DPRX: variants seen among roughly 807,000 people sequenced by gnomAD.
DPRX encodes the protein divergent-paired related homeobox, also known as divergent paired-related homeobox.
Under a neutral mutation model 8.4 loss-of-function variants are expected in DPRX, and 11 were observed. The observed-to-expected ratio is 1.31, with a 90% confidence interval of 0.82 to 2.17. DPRX has a LOEUF of 2.17. Among genes scored for constraint, DPRX ranks in the 30% most tolerant of loss-of-function variants. The pLI is 0.00. For missense variants in DPRX, 211 were observed against 236.7 expected (o/e 0.89, Z 0.71); for synonymous variants, 72 against 87.0 (o/e 0.83, Z 0.96).
the DPRX span, among the ~76,000 whole-genome samples, chr19:53,619,675 C>CAA: frequency 3.6e-5 from 3 of 83,968 alleles, no homozygotes; most frequent in African/African-American, 8.9e-5. Context: ...AACTTCATCT[C>CAA]AAAAAAAAAA....
chr19:53,601,768 C>T, the DPRX span, among the ~76,000 whole-genome samples: 5 of 152,252 alleles, frequency 3.3e-5, no homozygotes, highest in South Asian at 2.1e-4. Context: ...AGGTGTGAGC[C>T]ACCTCACCTG....
At chr19:53,622,124 G>T in the DPRX span, among the ~76,000 whole-genome samples, 1 of 152,174 alleles carries the variant, frequency 6.6e-6, no homozygotes, top group South Asian at 2.1e-4. Context: ...CCAACCTGGT[G>T]ATGTCTGAGG....
the DPRX span, among the ~76,000 whole-genome samples, chr19:53,603,035 G>GTATA: frequency 0.058 from 8,719 of 150,288 alleles, 269 homozygotes; most frequent in South Asian, 0.12. Context: ...GTGTGTGTGT[G>GTATA]TGTATATATA....
At chr19:53,608,816 A>G in the DPRX span, among the ~76,000 whole-genome samples, 5,761 of 151,654 alleles carry the variant, frequency 0.038, 256 homozygotes, top group East Asian at 0.14. Flanking sequence ...TTAGCCGGGC[A>G]TGGTGGCGGG....
chr19:53,601,635 C>T, the DPRX span, among the ~76,000 whole-genome samples: 2 of 152,018 alleles, frequency 1.3e-5, no homozygotes, highest in Non-Finnish European at 2.9e-5. Context: ...GCACACACCA[C>T]CATGCCCGGC....
chr19:53,628,487 C>T (rs953742202), upstream of DPRX, among the ~76,000 whole-genome samples: 2 of 152,084 alleles, frequency 1.3e-5, no homozygotes, highest in South Asian at 4.1e-4. Context: ...TGGTGACATA[C>T]GAATAACATA....
intron 2 of DPRX, among the ~76,000 whole-genome samples, chr19:53,635,344 G>GTTGTT (rs974372135): frequency 6.6e-6 from 1 of 152,026 alleles, no homozygotes; most frequent in South Asian, 2.1e-4. Context: ...ACAAAATAGT[G>GTTGTT]TTGTTTTGTT....
chr19:53,635,577 C>T (rs1052521229), intron 2 of DPRX, among the ~76,000 whole-genome samples: 3 of 151,982 alleles, frequency 2.0e-5, no homozygotes, highest in South Asian at 2.1e-4. Context: ...GATGGGGTTT[C>T]GTCATGTTGC....
chr19:53,632,868 G>C (rs565814901), intron 1 of DPRX, among the ~76,000 whole-genome samples: 2 of 152,116 alleles, frequency 1.3e-5, no homozygotes, highest in African/African-American at 4.8e-5. Flanking sequence ...TGAGCACAGG[G>C]GAATCTGATT....
the DPRX span, among the ~76,000 whole-genome samples, chr19:53,613,772 C>A: frequency 6.6e-6 from 1 of 152,110 alleles, no homozygotes; most frequent in South Asian, 2.1e-4. Context: ...GAGTTTCATA[C>A]GGAATTGGGA....
At chr19:53,629,214 T>A (rs1255648060), upstream of DPRX, among the ~76,000 whole-genome samples, 1 of 150,292 alleles carries the variant, frequency 6.7e-6, no homozygotes, top group Non-Finnish European at 1.5e-5. Context: ...CTCAGGAGAC[T>A]GAGGCATGAG....
chr19:53,636,388 A>AATAAAT (rs1555780226), intron 2 of DPRX, among the ~76,000 whole-genome samples: 1 of 148,960 alleles, frequency 6.7e-6, no homozygotes. Flanking sequence ...AAATAAAATA[A>AATAAAT]AAATAAATAA....
upstream of DPRX, among the ~76,000 whole-genome samples, chr19:53,627,562 C>T (rs930972279): frequency 2.0e-5 from 3 of 150,802 alleles, no homozygotes; most frequent in Admixed American, 2.0e-4. Context: ...TCAGCCTCCC[C>T]AGTAGCTGGG....
At chr19:53,625,826 C>T in the DPRX span, among the ~76,000 whole-genome samples, 163 of 151,920 alleles carry the variant, frequency 1.1e-3, no homozygotes, top group Non-Finnish European at 1.7e-3. Context: ...TTAGTAGAGA[C>T]GGGGTTTCAC....
At chr19:53,634,728 C>T (rs1355201349) in intron 2 of DPRX, 43 bp downstream of exon 2, 2 of 1,586,966 alleles carry the variant, frequency 1.3e-6, no homozygotes, top group Non-Finnish European at 1.7e-6. Flanking sequence ...CCTTCCTGAT[C>T]TAATCTAAAT....
upstream of DPRX, among the ~76,000 whole-genome samples, chr19:53,628,143 C>T (rs556577973): frequency 6.4e-4 from 97 of 152,224 alleles, no homozygotes; most frequent in African/African-American, 2.1e-3. Context: ...CCCAAAGATA[C>T]ATGTAATCAA....
the DPRX span, among the ~76,000 whole-genome samples, chr19:53,603,023 A>ATGTGTG: frequency 1.1e-4 from 12 of 112,666 alleles, no homozygotes; most frequent in African/African-American, 3.7e-4. Flanking sequence ...GTGTGTATAT[A>ATGTGTG]TGTGTGTGTG....
At chr19:53,611,912 C>T in the DPRX span, among the ~76,000 whole-genome samples, 2 of 151,828 alleles carry the variant, frequency 1.3e-5, no homozygotes, top group Non-Finnish European at 2.9e-5. Flanking sequence ...GGTGAAAACC[C>T]GTCTCTGTTA....
the DPRX span, among the ~76,000 whole-genome samples, chr19:53,620,119 G>A: frequency 6.6e-6 from 1 of 152,078 alleles, no homozygotes; most frequent in South Asian, 2.1e-4. Flanking sequence ...CCCCAGGCTA[G>A]AGTGCTATAG....
Sources: allele counts gnomAD v4.1 joint callset (sites outside exome capture counted in the v4.1 genomes callset), GRCh38; gene constraint gnomAD v4.1.1; transcripts MANE v1.5; gene names NCBI Gene and HGNC (gene_info 2026-07-23, HGNC 2026-07-21).